The following PACC1 variants were observed in gnomAD, a reference collection of about 807,000 sequenced individuals.
PACC1 encodes the protein proton activated chloride channel 1.
In PACC1, 34 loss-of-function variants were observed where a neutral mutation model predicts 39.7. That is an observed-to-expected ratio of 0.86 (90% CI 0.65 to 1.14). PACC1 has a LOEUF of 1.14. PACC1 is among the 50% of genes most tolerant of loss of function. The pLI is 0.00. For missense variants in PACC1, 379 were observed against 436.4 expected (o/e 0.87, Z 1.17); for synonymous variants, 127 against 160.6 (o/e 0.79, Z 1.58).
Position 212,396,796 on chromosome 1 carries a change from A to ATATC in PACC1, c.134-9700_134-9697dup, listed in dbSNP as rs56926217. Among the ~76,000 whole-genome samples the ATATC allele has an allele frequency of 1.4e-3, 203 of 146,852 alleles. 2 individuals carry two copies. The highest frequency in any genetic ancestry group is 1.8e-3 in the East Asian group (9 of 4,990). Reference sequence around the variant, plus strand: ...ATCTTGAAGGCAGTGAGGGAAAAAAATATCTATCTATCTATCTATCTATCT... The same window carrying ATATC: ...ATCTTGAAGGCAGTGAGGGAAAAAAATATCTATCTATCTATCTATCTATCTATCT... On this transcript the variant is annotated intron_variant, in intron 2 of 7. Coordinates refer to ENST00000261455, the MANE Select transcript of PACC1 (RefSeq NM_018252.3).
intron 4 of PACC1, among the ~76,000 whole-genome samples, chr1:212,384,976 C>T (rs1299947237): frequency 2.6e-5 from 4 of 152,046 alleles, no homozygotes; most frequent in Non-Finnish European, 5.9e-5. Flanking sequence ...TTCGCTATAT[C>T]GCACCAGCCC....
intron 5 of PACC1, 71 bp downstream of exon 5, chr1:212,379,824 C>T: frequency 6.3e-7 from 1 of 1,589,094 alleles, no homozygotes. Flanking sequence ...CCGTCTCTAG[C>T]CTTGGGACAT....
chr1:212,414,871 G>A lies in PACC1; in HGVS notation c.-114C>T. On this transcript the variant is annotated 5_prime_UTR_variant, in exon 1 of 8. Transcript: ENST00000261455. ...GGCTCCGCGAGGCGAAACCGGTCCG[G>A]AGGGGCGTCCCAGAGACCAGGCGTG... 1.4e-6 allele frequency: 2 copies of A among 1,399,582 alleles called. No homozygotes were observed. Among genetic ancestry groups the A allele is most frequent in the South Asian group, 1.2e-5 (1 of 80,294 alleles). 86.7% of individuals were successfully genotyped at this position (1,399,582 alleles called of 1,614,324 possible).
At chr1:212,377,963 C>T (rs1052832518) in intron 5 of PACC1, among the ~76,000 whole-genome samples, 1 of 152,206 alleles carries the variant, frequency 6.6e-6, no homozygotes, top group Admixed American at 6.5e-5. Context: ...ATCCTTGAAG[C>T]TCCCAGTGGG....
intron 2 of PACC1, among the ~76,000 whole-genome samples, chr1:212,394,451 T>C (rs974432025): frequency 4.2e-4 from 64 of 152,308 alleles, no homozygotes; most frequent in Non-Finnish European, 8.2e-4. Flanking sequence ...TAACAAGAGC[T>C]ATTTATGACA....
At chr1:212,378,840 A>G (rs1045049945) in intron 5 of PACC1, among the ~76,000 whole-genome samples, 5 of 152,056 alleles carry the variant, frequency 3.3e-5, no homozygotes, top group Non-Finnish European at 7.3e-5. Flanking sequence ...AGACAGCAAG[A>G]CCAAACCTCC....
In PACC1 at chr1:212,386,861, C is replaced by T; in HGVS notation, c.343+30G>A. 1 of 1,610,042 alleles carries T rather than the reference C, an allele frequency of 6.2e-7. No homozygotes were observed. The highest frequency in any genetic ancestry group is 8.5e-7 in the Non-Finnish European group (1 of 1,176,548). ...CCAGCTGACACCCTAGATCTGGGGCCCTGATGCCTGGCCCAGGGGCAGGCT... is the reference window on the plus strand; with the variant it reads ...CCAGCTGACACCCTAGATCTGGGGCTCTGATGCCTGGCCCAGGGGCAGGCT... On this transcript the variant is annotated intron_variant, in intron 3 of 7. Coordinates refer to ENST00000261455, the MANE Select transcript of PACC1 (RefSeq NM_018252.3). The surrounding 1 kb of genome is among the most constrained non-coding windows in gnomAD (Gnocchi z 5.0).
At chr1:212,413,737 A>C (rs1662219815) in intron 1 of PACC1, among the ~76,000 whole-genome samples, 2 of 152,216 alleles carry the variant, frequency 1.3e-5, no homozygotes, top group African/African-American at 4.8e-5. Flanking sequence ...TGGGCAGACG[A>C]AGGGCAGCGT....
intron 2 of PACC1, among the ~76,000 whole-genome samples, chr1:212,389,329 G>A (rs768053508): frequency 4.1e-4 from 62 of 152,286 alleles, no homozygotes; most frequent in Middle Eastern, 6.8e-3. Flanking sequence ...CCCAGGGGGG[G>A]CCAGCAAAAA....
At chr1:212,403,115 A>G (rs1235477720) in intron 2 of PACC1, among the ~76,000 whole-genome samples, 1 of 152,252 alleles carries the variant, frequency 6.6e-6, no homozygotes, top group Non-Finnish European at 1.5e-5. Flanking sequence ...TTCTATTAGC[A>G]TGTCTGATGT....
chr1:212,381,826 G>C (rs890062558), intron 4 of PACC1, among the ~76,000 whole-genome samples: 11 of 139,434 alleles, frequency 7.9e-5, no homozygotes, highest in African/African-American at 1.1e-4. Flanking sequence ...AATGCCCAGG[G>C]GACAGCACAG....
At chr1:212,370,922 G>A (rs913509205) in intron 7 of PACC1, among the ~76,000 whole-genome samples, 2 of 152,140 alleles carry the variant, frequency 1.3e-5, no homozygotes, top group Non-Finnish European at 2.9e-5. Context: ...TATCAGAGCA[G>A]AAATAAATGA....
At chr1:212,414,622 TGCCGC>T in intron 1 of PACC1, 95 bp downstream of exon 1, 1 of 1,454,758 alleles carries the variant, frequency 6.9e-7, no homozygotes, top group Non-Finnish European at 9.5e-7. Context: ...AAGAGCCCTC[TGCCGC>T]GCAGCCCCGA....
chr1:212,371,332 T>C (rs531645038), intron 7 of PACC1, among the ~76,000 whole-genome samples: 3 of 149,920 alleles, frequency 2.0e-5, no homozygotes, highest in African/African-American at 7.3e-5. Context: ...AAAAATATAA[T>C]GAAGACCCAA....
In PACC1 at chr1:212,364,112, AT is replaced by A. The variant is rs1412011081; in HGVS notation, c.*1102del. ...TAAATAATTTAAAACTCTGGAAACA[AT>A]TTTTAGAACCTTAATGTGAAAAATA... On this transcript the variant is annotated 3_prime_UTR_variant, in exon 8 of 8. Coordinates refer to ENST00000261455, the MANE Select transcript of PACC1 (RefSeq NM_018252.3). The A allele has an allele frequency of 1.3e-5, 2 of 152,264 alleles. No homozygotes were observed. The highest frequency in any genetic ancestry group is 2.9e-5 in the Non-Finnish European group (2 of 68,044). The allele number at this position is 152,264 out of a possible 1,614,324, so 9.4% of individuals were successfully genotyped here. A position where few individuals can be genotyped will look rare whatever the true frequency, so the allele number is the denominator to read the frequency against.
chr1:212,405,330 G>A (rs546460332), intron 2 of PACC1, among the ~76,000 whole-genome samples: 20 of 152,348 alleles, frequency 1.3e-4, no homozygotes, highest in South Asian at 6.2e-4. Context: ...GACAAAATCT[G>A]TGTGCCTCAC....
chr1:212,381,558 T>C (rs1376636155), intron 4 of PACC1, among the ~76,000 whole-genome samples: 2 of 152,106 alleles, frequency 1.3e-5, no homozygotes, highest in African/African-American at 4.8e-5. Context: ...TGCCCTCAAA[T>C]GTAGCCACGT....
chr1:212,396,840 CTATCT>C, intron 2 of PACC1, among the ~76,000 whole-genome samples: 1 of 123,984 alleles, frequency 8.1e-6, no homozygotes, highest in South Asian at 2.4e-4. Context: ...ATCTATCTAT[CTATCT>C]ATCTATTACA....
intron 2 of PACC1, among the ~76,000 whole-genome samples, chr1:212,398,872 C>T (rs1661612681): frequency 6.6e-6 from 1 of 152,162 alleles, no homozygotes; most frequent in African/African-American, 2.4e-5. Context: ...CACCAGATAC[C>T]TCACAAGACA....
Sources: gnomAD v4.1 joint callset for allele counts (sites outside exome capture counted in the v4.1 genomes callset) on GRCh38, gnomAD v4.1.1 for gene constraint, Gnocchi (gnomAD v3.1) non-coding constraint, MANE v1.5 for transcripts, NCBI Gene and HGNC (gene_info 2026-07-23, HGNC 2026-07-21) for gene names.